Variants in GLDN observed in about 807,000 individuals in gnomAD.
GLDN encodes gliomedin, also known as collomin.
A neutral mutation model predicts 56.5 loss-of-function variants in GLDN; 47 were observed. The observed-to-expected ratio is 0.83, with a 90% CI of 0.66 to 1.06. The LOEUF is 1.06. Among genes scored for constraint, GLDN ranks in the 50% least tolerant of loss-of-function variants. The pLI is 0.00. For synonymous variants in GLDN, 332 were observed against 278.8 expected (o/e 1.19, Z -1.90); for missense variants, 782 against 714.3 (o/e 1.09, Z -1.08).
intron 2 of GLDN, among the ~76,000 whole-genome samples, chr15:51,381,767 G>GTTTT (rs144718027): frequency 6.6e-6 from 1 of 150,810 alleles, no homozygotes; most frequent in African/African-American, 2.5e-5. Flanking sequence ...GATCCCCTAG[G>GTTTT]GTTTTTTTTT....
chr15:51,401,694 TACA>T lies in GLDN; in HGVS notation c.1135_1137del (p.Asn379del), dbSNP rs1467148420. On this transcript the variant is annotated inframe_deletion, in exon 9 of 10. Transcript: ENST00000335449. Reference sequence around the variant, plus strand: ...TTTCCATGGCTGTGGGCACGTTGTTTACAACAACTCTCTCTACTACCACAAAGG... The same window carrying T: ...TTTCCATGGCTGTGGGCACGTTGTTTACAACTCTCTCTACTACCACAAAGG... 1.9e-6 allele frequency: 3 copies of T among 1,614,168 alleles called. No homozygotes were observed. Among genetic ancestry groups the T allele is most frequent in the Non-Finnish European group, 8.5e-7 (1 of 1,180,014 alleles).
chr15:51,356,614 G>C (rs78701877), intron 1 of GLDN, among the ~76,000 whole-genome samples: 3,987 of 152,252 alleles, frequency 0.026, 181 homozygotes, highest in African/African-American at 0.091. Flanking sequence ...GGTAAAGAGC[G>C]TGGGCATTGG....
At chr15:51,382,272 T>G (rs1475660855) in intron 2 of GLDN, among the ~76,000 whole-genome samples, 1 of 152,190 alleles carries the variant, frequency 6.6e-6, no homozygotes, top group Non-Finnish European at 1.5e-5. Flanking sequence ...GAGACTTCAC[T>G]GTAGCTCTCT....
intron 4 of GLDN, among the ~76,000 whole-genome samples, chr15:51,391,751 C>T (rs1357213595): frequency 1.3e-5 from 2 of 152,116 alleles, no homozygotes; most frequent in Admixed American, 1.3e-4. Context: ...CATGATTTGA[C>T]CCCCATATCA....
At chr15:51,395,406 T>C (rs1035175585) in intron 5 of GLDN, among the ~76,000 whole-genome samples, 1 of 152,138 alleles carries the variant, frequency 6.6e-6, no homozygotes, top group African/African-American at 2.4e-5. Flanking sequence ...TTTCTTAGAA[T>C]TGGGGCAAAA....
chr15:51,348,850 A>C (rs940434189), intron 1 of GLDN, among the ~76,000 whole-genome samples: 1 of 152,102 alleles, frequency 6.6e-6, no homozygotes, highest in Non-Finnish European at 1.5e-5. Context: ...GTGGCTTTGA[A>C]CCCAAAGGGC....
chr15:51,387,808 A>G (rs943533483), intron 4 of GLDN, among the ~76,000 whole-genome samples: 1 of 152,162 alleles, frequency 6.6e-6, no homozygotes, highest in African/African-American at 2.4e-5. Flanking sequence ...CCCTCTAGCA[A>G]CAACCTTTGG....
chr15:51,368,296 G>C (rs2037445926), intron 1 of GLDN, among the ~76,000 whole-genome samples: 1 of 152,140 alleles, frequency 6.6e-6, no homozygotes. Flanking sequence ...TGAGAAGTCA[G>C]CGTAACAGCG....
Position 51,400,508 on chromosome 15 carries a change from C to T in GLDN, c.1027+10C>T. 6.2e-7 allele frequency: 1 copy of T among 1,613,612 alleles called. No individual in the cohort carries two copies. Among genetic ancestry groups the T allele is most frequent in the Non-Finnish European group, 8.5e-7 (1 of 1,179,776 alleles). The stretch of plus-strand genomic sequence containing the variant: ...ACAGAGCATTTTTCAGGTACTTGCA[C>T]TCGGCCTATGACCCATATCTGTGTG... On this transcript the variant is annotated intron_variant, in intron 8 of 9. Coordinates refer to ENST00000335449, the MANE Select transcript of GLDN (RefSeq NM_181789.4).
At chr15:51,350,604 T>C (rs1237476791) in intron 1 of GLDN, among the ~76,000 whole-genome samples, 1 of 152,182 alleles carries the variant, frequency 6.6e-6, no homozygotes, top group East Asian at 1.9e-4. Context: ...CTTGCAGCCA[T>C]ATCTCTGCTA....
chr15:51,344,280 C>T (rs956515597), intron 1 of GLDN, among the ~76,000 whole-genome samples: 4 of 152,188 alleles, frequency 2.6e-5, no homozygotes, highest in Admixed American at 6.5e-5. Flanking sequence ...AGGACCTTGG[C>T]ATAACTTCCT....
chr15:51,388,957 A>G (rs74708346), intron 4 of GLDN, among the ~76,000 whole-genome samples: 2 of 152,344 alleles, frequency 1.3e-5, no homozygotes, highest in East Asian at 1.9e-4. Flanking sequence ...CCTGCAGGAC[A>G]TTGTTGAGAA....
chr15:51,412,956 T>C (rs984841532), downstream of GLDN, among the ~76,000 whole-genome samples: 2 of 151,046 alleles, frequency 1.3e-5, no homozygotes, highest in African/African-American at 4.9e-5. Context: ...TCTGGACAAT[T>C]TACATTTTTT....
chr15:51,363,623 T>C (rs2037345937), intron 1 of GLDN, among the ~76,000 whole-genome samples: 1 of 152,154 alleles, frequency 6.6e-6, no homozygotes, highest in Non-Finnish European at 1.5e-5. Flanking sequence ...AGAAAAATCC[T>C]CAAACACTTA....
chr15:51,363,924 T>C (rs987714801), intron 1 of GLDN, among the ~76,000 whole-genome samples: 2 of 152,240 alleles, frequency 1.3e-5, no homozygotes, highest in Non-Finnish European at 2.9e-5. Flanking sequence ...TCTACTATCT[T>C]CTCACTTGCA....
intron 3 of GLDN, 132 bp downstream of exon 3, chr15:51,383,585 C>A: frequency 1.7e-6 from 2 of 1,145,190 alleles, no homozygotes; most frequent in Non-Finnish European, 1.3e-6. Context: ...CTTCTTTGTG[C>A]CCCTCACCTG....
chr15:51,391,751 C>A (rs1357213595), intron 4 of GLDN, among the ~76,000 whole-genome samples: 1 of 152,116 alleles, frequency 6.6e-6, no homozygotes, highest in Non-Finnish European at 1.5e-5. Context: ...CATGATTTGA[C>A]CCCCATATCA....
intron 1 of GLDN, among the ~76,000 whole-genome samples, chr15:51,346,994 A>G (rs1024802740): frequency 1.3e-5 from 2 of 152,216 alleles, no homozygotes; most frequent in Non-Finnish European, 2.9e-5. Flanking sequence ...TGAACCCAGG[A>G]GATGGAGGTT....
chr15:51,373,578 G>A (rs556858821), intron 1 of GLDN, among the ~76,000 whole-genome samples: 4 of 152,344 alleles, frequency 2.6e-5, no homozygotes, highest in African/African-American at 9.6e-5. Flanking sequence ...GCTCCCTTCA[G>A]TTGAGAGACA....
Sources: gnomAD v4.1 joint callset for allele counts (sites outside exome capture counted in the v4.1 genomes callset) on GRCh38, gnomAD v4.1.1 for gene constraint, MANE v1.5 for transcripts, NCBI Gene and HGNC (gene_info 2026-07-23, HGNC 2026-07-21) for gene names.